The following TLK1 variants were observed in gnomAD, a reference collection of about 807,000 sequenced individuals.
TLK1 encodes the protein serine/threonine-protein kinase tousled-like 1.
A neutral mutation model predicts 105.3 loss-of-function variants in TLK1; 24 were observed. The ratio of observed to expected loss-of-function variants is 0.23; its 90% CI spans 0.17 to 0.32. The LOEUF is 0.32. TLK1 is among the 10% of genes least tolerant of loss of function. TLK1 has a pLI of 1.00. For missense variants in TLK1, 558 were observed against 910.5 expected (o/e 0.61, Z 4.98); for synonymous variants, 321 against 310.4 (o/e 1.03, Z -0.36).
At chr2:171,144,434 G>A (rs1299704978) in intron 1 of TLK1, among the ~76,000 whole-genome samples, 1 of 152,026 alleles carries the variant, frequency 6.6e-6, no homozygotes, top group East Asian at 1.9e-4. Context: ...CATAAAACCA[G>A]CATCAACAAA....
At chr2:171,105,056 A>G (rs1259930331) in intron 2 of TLK1, among the ~76,000 whole-genome samples, 1 of 152,232 alleles carries the variant, frequency 6.6e-6, no homozygotes, top group Non-Finnish European at 1.5e-5. Flanking sequence ...AACTACTAGA[A>G]GAAACCTTAG....
chr2:171,050,813 C>T (rs899088662), intron 8 of TLK1, among the ~76,000 whole-genome samples: 3 of 152,162 alleles, frequency 2.0e-5, no homozygotes, highest in African/African-American at 7.2e-5. Flanking sequence ...AAGAGAATAA[C>T]CTATAGGGCT....
At chr2:171,033,364 A>G (rs1004614811) in intron 11 of TLK1, among the ~76,000 whole-genome samples, 3 of 152,130 alleles carry the variant, frequency 2.0e-5, no homozygotes, top group Non-Finnish European at 4.4e-5. Flanking sequence ...AACATTAAAA[A>G]TTAAAACAAC....
intron 1 of TLK1, chr2:171,154,048 A>C (rs1390382544): frequency 4.7e-5 from 7 of 150,018 alleles, no homozygotes; most frequent in African/African-American, 1.7e-4. Context: ...AGGACTACCG[A>C]CATATGCCAC....
chr2:171,064,712 C>A (rs967626220), intron 3 of TLK1, among the ~76,000 whole-genome samples: 3 of 152,102 alleles, frequency 2.0e-5, no homozygotes, highest in Admixed American at 2.0e-4. Flanking sequence ...TACAATGAAA[C>A]AGTCATTAGG....
chr2:171,111,734 G>T (rs1234958128), intron 2 of TLK1, among the ~76,000 whole-genome samples: 2 of 152,132 alleles, frequency 1.3e-5, no homozygotes, highest in African/African-American at 4.8e-5. Flanking sequence ...AGTTCATTTT[G>T]TGAGGCTAAT....
chr2:171,190,488 G>T (rs1693125084), intron 1 of TLK1, among the ~76,000 whole-genome samples: 1 of 152,172 alleles, frequency 6.6e-6, no homozygotes, highest in Non-Finnish European at 1.5e-5. Context: ...ATACATGAGA[G>T]AATCTAGGTA....
chr2:171,052,176 C>T (rs1156948904), intron 8 of TLK1, among the ~76,000 whole-genome samples: 1 of 152,122 alleles, frequency 6.6e-6, no homozygotes. Flanking sequence ...AGAAATATTG[C>T]TTAAACCCGG....
At chr2:171,140,861 C>G (rs894443149) in intron 1 of TLK1, among the ~76,000 whole-genome samples, 1 of 152,030 alleles carries the variant, frequency 6.6e-6, no homozygotes, top group Admixed American at 6.6e-5. Flanking sequence ...CACAGACTCT[C>G]GAATAAGTAT....
chr2:171,091,934 C>A (rs1490991006), intron 2 of TLK1: 1 of 151,948 alleles, frequency 6.6e-6, no homozygotes. Context: ...TTAGTAGAGA[C>A]AGGGTTTCAC....
chr2:171,229,668 T>C (rs1693957768), intron 1 of TLK1, among the ~76,000 whole-genome samples: 1 of 152,234 alleles, frequency 6.6e-6, no homozygotes, highest in African/African-American at 2.4e-5. Context: ...GTGCAAACTT[T>C]GCATTTGCAC....
At position 171,020,764 on chromosome 2, in the gene TLK1, G is replaced by C. The variant is rs116565508; in HGVS notation, c.1237-5816C>G. On this transcript the variant is annotated intron_variant, in intron 12 of 20. Transcript: ENST00000431350. Reference sequence around the variant, plus strand: ...CAACCAAAATAACCACCTAGACAAAGCAGGTCTGACTTTTGAAACTATTGC... The same window carrying C: ...CAACCAAAATAACCACCTAGACAAACCAGGTCTGACTTTTGAAACTATTGC... Among the ~76,000 whole-genome samples the C allele has an allele frequency of 3.5e-3, 535 of 152,084 alleles. 6 individuals carry two copies. Among genetic ancestry groups the C allele is most frequent in the African/African-American group, 0.012 (492 of 41,482 alleles).
chr2:171,117,087 G>A (rs1447060150), intron 2 of TLK1, among the ~76,000 whole-genome samples: 1 of 152,148 alleles, frequency 6.6e-6, no homozygotes, highest in Non-Finnish European at 1.5e-5. Context: ...CAGTTTCATG[G>A]AAGACAATTT....
At chr2:171,113,834 C>G (rs1358346546) in intron 2 of TLK1, among the ~76,000 whole-genome samples, 1 of 152,088 alleles carries the variant, frequency 6.6e-6, no homozygotes, top group Non-Finnish European at 1.5e-5. Flanking sequence ...TCTTTATGGT[C>G]CAGGGATGCA....
chr2:171,159,697 C>T (rs1272488011), intron 1 of TLK1: 1 of 152,248 alleles, frequency 6.6e-6, no homozygotes, highest in Non-Finnish European at 1.5e-5. Flanking sequence ...GTCAGTCTGT[C>T]GTTTAAATTG....
chr2:171,074,127 G>A (rs1688389667), intron 3 of TLK1, among the ~76,000 whole-genome samples: 1 of 152,106 alleles, frequency 6.6e-6, no homozygotes, highest in South Asian at 2.1e-4. Context: ...CTGACCTCAG[G>A]TGATCTGCTT....
chr2:171,129,830 A>ATAAC (rs1691021104), intron 1 of TLK1, among the ~76,000 whole-genome samples: 28 of 142,582 alleles, frequency 2.0e-4, no homozygotes, highest in Non-Finnish European at 3.6e-4. Flanking sequence ...TAGGTTACCA[A>ATAAC]ATAACATAAC....
intron 1 of TLK1, among the ~76,000 whole-genome samples, chr2:171,167,508 T>C (rs1191477841): frequency 6.6e-6 from 1 of 152,248 alleles, no homozygotes; most frequent in Non-Finnish European, 1.5e-5. Flanking sequence ...AAGTTGGTTC[T>C]ATCTTCATTG....
chr2:171,021,943 A>G (rs2105383335), intron 12 of TLK1, among the ~76,000 whole-genome samples: 1 of 152,062 alleles, frequency 6.6e-6, no homozygotes, highest in South Asian at 2.1e-4. Context: ...ACTAAAAAAT[A>G]TATATAAAAA....
Sources: allele counts gnomAD v4.1 joint callset (sites outside exome capture counted in the v4.1 genomes callset), GRCh38; gene constraint gnomAD v4.1.1; transcripts MANE v1.5; gene names NCBI Gene and HGNC (gene_info 2026-07-23, HGNC 2026-07-21).